The following FAM171A1 variants were observed in gnomAD, a reference collection of about 807,000 sequenced individuals.
FAM171A1 encodes family with sequence similarity 171 member A1.
Under a neutral mutation model 74.9 loss-of-function variants are expected in FAM171A1, and 23 were observed. That is an observed-to-expected ratio of 0.31 (90% CI 0.22 to 0.44). FAM171A1 has a LOEUF of 0.44. Among genes scored for constraint, FAM171A1 ranks in the 20% least tolerant of loss-of-function variants. The probability of loss-of-function intolerance (pLI) is 1.00; values close to 1 mark genes in which losing one functional copy is unlikely to be tolerated. For synonymous variants in FAM171A1, 527 were observed against 505.7 expected, an observed-to-expected ratio of 1.04 and a Z score of -0.57; for missense variants, 1,162 against 1,159.2, an observed-to-expected ratio of 1.00 and a Z score of -0.03.
intron 1 of FAM171A1, among the ~76,000 whole-genome samples, chr10:15,357,970 G>A (rs972123458): frequency 5.9e-5 from 9 of 152,080 alleles, no homozygotes; most frequent in African/African-American, 9.7e-5. Context: ...GCAAAGATTG[G>A]AAGTAGAAAG....
intron 3 of FAM171A1, among the ~76,000 whole-genome samples, chr10:15,257,808 C>T (rs1396428662): frequency 6.6e-6 from 1 of 152,288 alleles, no homozygotes; most frequent in Non-Finnish European, 1.5e-5. Context: ...TTCTGAGCCA[C>T]AGCACAAATA....
At chr10:15,284,998 A>C (rs982145328) in intron 1 of FAM171A1, among the ~76,000 whole-genome samples, 1 of 152,260 alleles carries the variant, frequency 6.6e-6, no homozygotes, top group Non-Finnish European at 1.5e-5. Context: ...TGGCAAAAAC[A>C]GATCATGAAT....
At chr10:15,248,915 A>G (rs1834471525) in intron 4 of FAM171A1, 100 bp from the exon 5 acceptor site, 2 of 1,125,174 alleles carry the variant, frequency 1.8e-6, no homozygotes, top group Non-Finnish European at 2.5e-6. Flanking sequence ...ATTACCTCCT[A>G]TATGCCAGGG....
chr10:15,328,366 G>C (rs1296038255), intron 1 of FAM171A1, among the ~76,000 whole-genome samples: 3 of 152,088 alleles, frequency 2.0e-5, no homozygotes, highest in Admixed American at 1.3e-4. Context: ...GGCTGGTCTT[G>C]GACTCCTGAC....
intron 5 of FAM171A1, among the ~76,000 whole-genome samples, chr10:15,226,082 G>A (rs543087870): frequency 8.5e-5 from 13 of 152,304 alleles, no homozygotes; most frequent in South Asian, 4.1e-4. Flanking sequence ...TGAGGTGGCC[G>A]CTGGGACTTG....
chr10:15,371,417 C>A (rs910884946), upstream of FAM171A1, among the ~76,000 whole-genome samples: 2 of 149,008 alleles, frequency 1.3e-5, no homozygotes, highest in African/African-American at 2.4e-5. Context: ...GCCCCCAGCC[C>A]GACCCCCGGC....
intron 2 of FAM171A1, among the ~76,000 whole-genome samples, chr10:15,282,753 C>T (rs1306829891): frequency 6.6e-6 from 1 of 151,998 alleles, no homozygotes; most frequent in East Asian, 1.9e-4. Context: ...CCTCTGTCAC[C>T]CAGGCTGGAG....
At chr10:15,343,751 A>AG (rs1194193475) in intron 1 of FAM171A1, among the ~76,000 whole-genome samples, 1 of 152,114 alleles carries the variant, frequency 6.6e-6, no homozygotes, top group Non-Finnish European at 1.5e-5. Context: ...TCCGTCCAGG[A>AG]GGGGGGCTGG....
At chr10:15,288,124 A>G (rs1038984930) in intron 1 of FAM171A1, among the ~76,000 whole-genome samples, 7 of 152,226 alleles carry the variant, frequency 4.6e-5, no homozygotes, top group Non-Finnish European at 7.3e-5. Flanking sequence ...TAAGTATTCC[A>G]TAGTATATAT....
At chr10:15,320,304 TC>T (rs1835471626) in intron 1 of FAM171A1, among the ~76,000 whole-genome samples, 1 of 152,244 alleles carries the variant, frequency 6.6e-6, no homozygotes, top group African/African-American at 2.4e-5. Flanking sequence ...ATGATTTCAT[TC>T]TTTTTAACGG....
chr10:15,238,025 T>C (rs1346486562), intron 5 of FAM171A1, among the ~76,000 whole-genome samples: 3 of 152,212 alleles, frequency 2.0e-5, no homozygotes, highest in South Asian at 4.1e-4. Context: ...ATCTATTCTT[T>C]TTCAAAAAAT....
At chr10:15,268,817 G>T (rs1328000342) in intron 3 of FAM171A1, among the ~76,000 whole-genome samples, 1 of 152,214 alleles carries the variant, frequency 6.6e-6, no homozygotes, top group Non-Finnish European at 1.5e-5. Flanking sequence ...CGAGGTGGAT[G>T]CATCACCTGA....
chr10:15,369,233 T>C (rs1836103956), intron 1 of FAM171A1, among the ~76,000 whole-genome samples: 1 of 150,472 alleles, frequency 6.6e-6, no homozygotes, highest in Non-Finnish European at 1.5e-5. Context: ...TATATATATA[T>C]TGAAGACATG....
chr10:15,304,886 G>A (rs1159494476), intron 1 of FAM171A1, among the ~76,000 whole-genome samples: 2 of 152,046 alleles, frequency 1.3e-5, no homozygotes, highest in East Asian at 1.9e-4. Flanking sequence ...CCAGGCATGC[G>A]CCACCACGTC....
At chr10:15,355,153 T>C (rs941609777) in intron 1 of FAM171A1, among the ~76,000 whole-genome samples, 1 of 152,226 alleles carries the variant, frequency 6.6e-6, no homozygotes. Context: ...GGCAGAATCA[T>C]GGTTCACTGC....
At chr10:15,342,769 G>A (rs1835779265) in intron 1 of FAM171A1, among the ~76,000 whole-genome samples, 1 of 152,184 alleles carries the variant, frequency 6.6e-6, no homozygotes, top group South Asian at 2.1e-4. Flanking sequence ...TTTTAATTCA[G>A]ATTTGAGACA....
chr10:15,324,637 C>A (rs774229524), intron 1 of FAM171A1, among the ~76,000 whole-genome samples: 1 of 152,022 alleles, frequency 6.6e-6, no homozygotes, highest in Non-Finnish European at 1.5e-5. Flanking sequence ...ACACTGCACA[C>A]GTCTAACCAA....
In FAM171A1 at chr10:15,362,764, G is replaced by C. The variant is rs567180810; in HGVS notation, c.97+8192C>G. On this transcript the variant is annotated intron_variant, in intron 1 of 7. Transcript: ENST00000378116. The stretch of plus-strand genomic sequence containing the variant: ...AACAAAACATTACCAACAACCAGTA[G>C]CTGAACTTGTTTTTAGTCATACGAG... 7.2e-5 allele frequency among the ~76,000 whole-genome samples: 11 copies of C among 152,284 alleles called. No individual in the cohort carries two copies. In the South Asian group the frequency reaches 8.3e-4, roughly 11 times the overall value.
intron 1 of FAM171A1, among the ~76,000 whole-genome samples, chr10:15,294,735 G>C (rs921241814): frequency 3.3e-5 from 5 of 152,172 alleles, no homozygotes; most frequent in Non-Finnish European, 7.4e-5. Context: ...ATGCGACAAG[G>C]CTGTTTCCAA....
Sources: allele counts gnomAD v4.1 joint callset (sites outside exome capture counted in the v4.1 genomes callset), GRCh38; gene constraint gnomAD v4.1.1; transcripts MANE v1.5; gene names NCBI Gene and HGNC (gene_info 2026-07-23, HGNC 2026-07-21).